The following DNAH9 variants were observed in gnomAD, a reference collection of about 807,000 sequenced individuals.
DNAH9 encodes dynein axonemal heavy chain 9.
Under a neutral mutation model 471.6 loss-of-function variants are expected in DNAH9, and 345 were observed. The observed-to-expected ratio is 0.73, with a 90% CI of 0.67 to 0.80. DNAH9 has a LOEUF of 0.80. Among genes scored for constraint, DNAH9 ranks in the 30% least tolerant of loss-of-function variants. DNAH9 has a pLI of 0.00. For synonymous variants in DNAH9, 2,093 were observed against 2,123.6 expected (o/e 0.99, Z 0.40); for missense variants, 5,407 against 5,609.2 (o/e 0.96, Z 1.15).
chr17:11,759,517 C>CTTTTTTTTTTTTTT (rs1157505657), intron 35 of DNAH9, among the ~76,000 whole-genome samples: 7 of 83,970 alleles, frequency 8.3e-5, no homozygotes, highest in Admixed American at 1.7e-4. Flanking sequence ...ATACACACCA[C>CTTTTTTTTTTTTTT]TTTTTTTTTT....
intron 12 of DNAH9, among the ~76,000 whole-genome samples, chr17:11,649,425 A>G (rs1373049221): frequency 6.6e-6 from 1 of 152,166 alleles, no homozygotes; most frequent in Middle Eastern, 3.2e-3. Context: ...TTTGTTGCGT[A>G]TAAAATAATA....
chr17:11,855,116 G>T (rs1309089374), intron 50 of DNAH9, among the ~76,000 whole-genome samples: 1 of 151,796 alleles, frequency 6.6e-6, no homozygotes, highest in African/African-American at 2.4e-5. Flanking sequence ...TGCCCAGGTT[G>T]GTCTTGAACT....
In DNAH9 at chr17:11,822,954, C is replaced by A. The variant is rs1170033776; in HGVS notation, c.9166C>A (p.His3056Asn). The A allele has an allele frequency of 6.2e-7, 1 of 1,614,144 alleles. No homozygotes were observed. The highest frequency in any genetic ancestry group is 2.2e-5 in the East Asian group (1 of 44,868). Residue 3056 changes from histidine to asparagine, a missense_variant, in exon 48 of 69, where the codon CAC (histidine) becomes AAC (asparagine). His to Asn is a moderately conservative substitution (Grantham distance 68, BLOSUM62 1). This residue lies in a region of DNAH9 where 4,636 missense variants were observed against 4,900.3 expected (regional missense o/e 0.95). Coordinates refer to ENST00000262442, the MANE Select transcript of DNAH9 (RefSeq NM_001372.4). ...CATCAGACTCTACCAGAGCTTGTTGCACAGGCACAGAAAAGAGCTCAAGTG... is the reference window on the plus strand; with the variant it reads ...CATCAGACTCTACCAGAGCTTGTTGAACAGGCACAGAAAAGAGCTCAAGTG... ...EFIRLYQSLL[H>N]RHRKELKCKT...
At chr17:11,842,125 G>C (rs1446644971) in intron 49 of DNAH9, among the ~76,000 whole-genome samples, 2 of 152,034 alleles carry the variant, frequency 1.3e-5, no homozygotes, top group African/African-American at 4.8e-5. Flanking sequence ...CAAATAATTT[G>C]GGGAATTCTA....
chr17:11,754,789 C>T (rs999218069), intron 33 of DNAH9, among the ~76,000 whole-genome samples: 1 of 152,146 alleles, frequency 6.6e-6, no homozygotes, highest in African/African-American at 2.4e-5. Context: ...TGTCTGTTCA[C>T]TCTATTGATC....
intron 51 of DNAH9, among the ~76,000 whole-genome samples, chr17:11,870,744 T>G (rs530475424): frequency 9.2e-5 from 14 of 152,250 alleles, no homozygotes; most frequent in African/African-American, 3.4e-4. Context: ...CTGGAGCACT[T>G]TCTGAGTCAG....
chr17:11,855,202 C>T (rs1971583624), intron 50 of DNAH9, among the ~76,000 whole-genome samples: 1 of 152,016 alleles, frequency 6.6e-6, no homozygotes, highest in South Asian at 2.1e-4. Context: ...GAGCCCAGCC[C>T]AGAATCCAGC....
At chr17:11,759,637 C>T (rs967947090) in intron 35 of DNAH9, among the ~76,000 whole-genome samples, 5 of 149,752 alleles carry the variant, frequency 3.3e-5, no homozygotes, top group African/African-American at 1.2e-4. Flanking sequence ...ATTCTCCTGC[C>T]TCAGCCTTCT....
At chr17:11,795,265 G>T (rs970944331) in intron 42 of DNAH9, among the ~76,000 whole-genome samples, 1 of 152,218 alleles carries the variant, frequency 6.6e-6, no homozygotes, top group African/African-American at 2.4e-5. Context: ...ACCTGAGATC[G>T]TATTCTATTT....
intron 19 of DNAH9, among the ~76,000 whole-genome samples, chr17:11,683,643 A>T (rs2074179294): frequency 6.6e-6 from 1 of 152,126 alleles, no homozygotes; most frequent in African/African-American, 2.4e-5. Flanking sequence ...TGTATTGATC[A>T]ACTCCTGTTT....
chr17:11,677,473 T>C (rs1597466558), intron 17 of DNAH9, among the ~76,000 whole-genome samples: 1 of 152,194 alleles, frequency 6.6e-6, no homozygotes, highest in East Asian at 1.9e-4. Context: ...AATTTTTCTT[T>C]GGTGACATTT....
In DNAH9 at chr17:11,904,960, G is replaced by A. The variant is rs143092058; in HGVS notation, c.11601-701G>A. On this transcript the variant is annotated intron_variant, in intron 60 of 68. Transcript: ENST00000262442. Reference sequence around the variant, plus strand: ...TAAAACATGAGAGAATAGGCTGGGCGCGGTGGCTCACACCTGTAATCCCAA... The same window carrying A: ...TAAAACATGAGAGAATAGGCTGGGCACGGTGGCTCACACCTGTAATCCCAA... Among the ~76,000 whole-genome samples the A allele has an allele frequency of 4.6e-4, 70 of 152,196 alleles. 1 individual carries two copies. Among genetic ancestry groups the A allele is most frequent in the African/African-American group, 1.6e-3 (65 of 41,538 alleles).
intron 43 of DNAH9, 112 bp from the exon 44 acceptor site, chr17:11,807,620 A>C: frequency 8.5e-7 from 1 of 1,170,598 alleles, no homozygotes; most frequent in Non-Finnish European, 1.2e-6. Flanking sequence ...CCCACAGCTC[A>C]GCCTGTGACG....
In DNAH9 at chr17:11,834,750, G is replaced by C; in HGVS notation, c.9359G>C (p.Arg3120Thr). Reference sequence around the variant, plus strand: ...GGTGTGGAGACTGACAAAGTGAGCAGAGAGAAAGCCATGGCAGATGAAGAG... The same window carrying C: ...GGTGTGGAGACTGACAAAGTGAGCACAGAGAAAGCCATGGCAGATGAAGAG... ...VVGVETDKVS[R>T]EKAMADEEEQ... The change falls in exon 49 of 69, where the codon AGA (arginine) becomes ACA (threonine). Residue 3120 changes from arginine to threonine, a missense_variant. Around this residue, in one of 3 missense-constraint regions of DNAH9, gnomAD observed 4,636 missense variants for 4,900.3 expected, o/e 0.95. Coordinates refer to ENST00000262442, the MANE Select transcript of DNAH9 (RefSeq NM_001372.4). The C allele has an allele frequency of 6.2e-7, 1 of 1,614,148 alleles. No individual in the cohort carries two copies. The highest frequency in any genetic ancestry group is 8.5e-7 in the Non-Finnish European group (1 of 1,180,022).
chr17:11,604,903 G>C (rs1206674975), intron 1 of DNAH9, among the ~76,000 whole-genome samples: 1 of 152,056 alleles, frequency 6.6e-6, no homozygotes, highest in Non-Finnish European at 1.5e-5. Context: ...ACGGCAGCTT[G>C]GTTGATCCTA....
At chr17:11,768,314 A>G (rs1597618266) in intron 36 of DNAH9, 139 bp from the exon 37 acceptor site, 1 of 850,290 alleles carries the variant, frequency 1.2e-6, no homozygotes, top group East Asian at 2.4e-5. Context: ...GCCTTCCTGG[A>G]GGAGCTGGTC....
rs568384112 is a variant in DNAH9, at chr17:11,903,004, T to C, written c.11600+92T>C. 6.7e-5 allele frequency: 94 copies of C among 1,398,332 alleles called. No homozygotes were observed. The South Asian group carries it at 1.2e-3, about 17-fold the overall frequency. 86.6% of individuals were successfully genotyped at this position (1,398,332 alleles called of 1,614,324 possible). A position where few individuals can be genotyped will look rare whatever the true frequency, so the allele number is the denominator to read the frequency against. On this transcript the variant is annotated intron_variant, in intron 60 of 68. Transcript: ENST00000262442. ...CCAGCAGGGCTGAGCTCCAAAGCCA[T>C]GTGTATATAGTAGTTTCCTGGAGCT...
At chr17:11,776,123 T>C (rs1488439230) in intron 38 of DNAH9, among the ~76,000 whole-genome samples, 1 of 152,108 alleles carries the variant, frequency 6.6e-6, no homozygotes, top group Non-Finnish European at 1.5e-5. Context: ...AGTTCTTTAA[T>C]CCTCCCCAGC....
At chr17:11,724,138 C>T (rs2075112365) in intron 27 of DNAH9, among the ~76,000 whole-genome samples, 1 of 152,032 alleles carries the variant, frequency 6.6e-6, no homozygotes, top group Non-Finnish European at 1.5e-5. Flanking sequence ...ATGATCGAAT[C>T]AGGGTAATTA....
Sources: gnomAD v4.1 joint callset for allele counts (sites outside exome capture counted in the v4.1 genomes callset) on GRCh38, gnomAD v4.1.1 for gene constraint, gnomAD v4.1.1 regional missense constraint, MANE v1.5 for transcripts, NCBI Gene and HGNC (gene_info 2026-07-23, HGNC 2026-07-21) for gene names.